Variants in LIPI observed in about 807,000 individuals in gnomAD.
The protein encoded by LIPI is lipase member I.
A neutral mutation model predicts 50.6 loss-of-function variants in LIPI; 59 were observed. The ratio of observed to expected loss-of-function variants is 1.16; its 90% confidence interval spans 0.94 to 1.45. The LOEUF is 1.45. LIPI is among the 40% of genes most tolerant of loss of function. The probability of loss-of-function intolerance (pLI) is 0.00; values close to 1 mark genes in which losing one functional copy is unlikely to be tolerated. For synonymous variants in LIPI, 203 were observed against 178.2 expected (o/e 1.14, Z -1.11); for missense variants, 586 against 536.3 (o/e 1.09, Z -0.92).
chr21:14,183,094 C>T (rs1157645836), intron 3 of LIPI, among the ~76,000 whole-genome samples: 3 of 143,710 alleles, frequency 2.1e-5, no homozygotes, highest in Non-Finnish European at 3.1e-5. Flanking sequence ...GCTACAGTAA[C>T]CAAAACAGCA....
intron 9 of LIPI, among the ~76,000 whole-genome samples, chr21:14,137,684 A>G (rs887749126): frequency 3.9e-5 from 6 of 152,190 alleles, no homozygotes; most frequent in Non-Finnish European, 8.8e-5. Context: ...AAGGGATAAT[A>G]ACTGATCCAA....
chr21:14,163,624 T>A (rs2018573000), intron 6 of LIPI, 101 bp from the exon 7 acceptor site: 1 of 703,066 alleles, frequency 1.4e-6, no homozygotes, highest in Non-Finnish European at 2.6e-6. Flanking sequence ...ATAATCATCA[T>A]AATGATCATC....
At chr21:14,146,118 A>T (rs1046417023) in intron 8 of LIPI, among the ~76,000 whole-genome samples, 11 of 152,106 alleles carry the variant, frequency 7.2e-5, no homozygotes, top group Non-Finnish European at 1.6e-4. Flanking sequence ...AATTACCAAC[A>T]GTTTGCTCAT....
intron 9 of LIPI, among the ~76,000 whole-genome samples, chr21:14,120,787 G>GC (rs1341119301): frequency 6.6e-6 from 1 of 151,704 alleles, no homozygotes; most frequent in African/African-American, 2.4e-5. Flanking sequence ...AGAAGCCATT[G>GC]CCCCCCAATT....
chr21:14,121,305 C>T (rs968389924), intron 9 of LIPI, among the ~76,000 whole-genome samples: 3 of 152,252 alleles, frequency 2.0e-5, no homozygotes, highest in East Asian at 1.9e-4. Context: ...GAACAAGACA[C>T]CGAAACAACT....
chr21:14,161,934 TTATAGATA>T (rs1474959172), intron 7 of LIPI, among the ~76,000 whole-genome samples: 3 of 139,764 alleles, frequency 2.1e-5, no homozygotes, highest in Admixed American at 7.7e-5. Context: ...ATTTCTCTAT[TTATAGATA>T]TATAGATATA....
chr21:14,132,355 C>T (rs1184312585), intron 9 of LIPI, among the ~76,000 whole-genome samples: 2 of 152,100 alleles, frequency 1.3e-5, no homozygotes, highest in Non-Finnish European at 2.9e-5. Context: ...ATCAGAATAA[C>T]AACAGACTTT....
At chr21:14,163,382 A>C (rs746010820) in intron 7 of LIPI, 37 bp downstream of exon 7, 9 of 1,038,740 alleles carry the variant, frequency 8.7e-6, no homozygotes, top group Non-Finnish European at 3.0e-6. Context: ...AAAAAAACTA[A>C]AAATTTGTTT....
intron 1 of LIPI, among the ~76,000 whole-genome samples, chr21:14,205,983 G>T (rs144578137): frequency 6.6e-6 from 1 of 152,192 alleles, no homozygotes; most frequent in Non-Finnish European, 1.5e-5. Flanking sequence ...AATCTCAACA[G>T]AGAGGTAAGC....
At chr21:14,189,831 T>C (rs1037835232) in intron 1 of LIPI, among the ~76,000 whole-genome samples, 1 of 151,988 alleles carries the variant, frequency 6.6e-6, no homozygotes, top group Admixed American at 6.6e-5. Context: ...TGTCTAGTCA[T>C]CAATACAAAA....
chr21:14,165,234 C>T lies in LIPI; in HGVS notation c.890G>A (p.Cys297Tyr), dbSNP rs764081969. ...ATAATCTCTCTTACCCAGCCGAGGA[C>T]ATGATTTTTCCTTAAAACAGTCACA... ...VDCDCFKEKS[C>Y]PRLGYQAKLF... The change falls in exon 6 of 10, where the codon TGT becomes TAT. Residue 297 changes from cysteine (C) to tyrosine (Y), a missense_variant. Cys to Tyr is a radical substitution (Grantham distance 194). Coordinates refer to ENST00000681601, the MANE Select transcript of LIPI (RefSeq NM_001302998.2). 3.7e-6 allele frequency: 6 copies of T among 1,608,372 alleles called. No individual in the cohort carries two copies. Among genetic ancestry groups the T allele is most frequent in the Admixed American group, 3.3e-5 (2 of 59,964 alleles).
intron 9 of LIPI, 106 bp from the exon 10 acceptor site, chr21:14,109,186 C>A: frequency 1.2e-6 from 1 of 852,470 alleles, no homozygotes; most frequent in Non-Finnish European, 2.0e-6. Flanking sequence ...CTGTAACTAG[C>A]TAGTTCTCTA....
At chr21:14,209,310 G>T (rs538042141) in intron 1 of LIPI, among the ~76,000 whole-genome samples, 2 of 152,162 alleles carry the variant, frequency 1.3e-5, no homozygotes, top group African/African-American at 4.8e-5. Flanking sequence ...CTTTATTAAA[G>T]GCAGATTTAA....
intron 7 of LIPI, among the ~76,000 whole-genome samples, chr21:14,158,749 T>A (rs2018361064): frequency 6.6e-6 from 1 of 150,760 alleles, no homozygotes; most frequent in Non-Finnish European, 1.5e-5. Context: ...AACCATTTTG[T>A]CTAGCAAGAC....
chr21:14,147,667 T>C lies in LIPI; in HGVS notation c.1119-2868A>G, dbSNP rs377385355. Among the ~76,000 whole-genome samples, 186 of 152,314 alleles carry C rather than the reference T, an allele frequency of 1.2e-3. 3 individuals carry two copies. Among genetic ancestry groups the C allele is most frequent in the African/African-American group, 4.3e-3 (179 of 41,578 alleles). ...AATAATTTGTAATGAATGGATTAAATTGGATTCTCTCCATGTATCTTTTAG... is the reference window on the plus strand; with the variant it reads ...AATAATTTGTAATGAATGGATTAAACTGGATTCTCTCCATGTATCTTTTAG... On this transcript the variant is annotated intron_variant, in intron 8 of 9. Transcript: ENST00000681601.
chr21:14,165,655 G>C (rs1156627993), intron 5 of LIPI, among the ~76,000 whole-genome samples: 1 of 152,138 alleles, frequency 6.6e-6, no homozygotes, highest in East Asian at 1.9e-4. Context: ...TGTTTCACAA[G>C]CTCTACACAG....
At chr21:14,143,299 C>T (rs1272359254) in intron 9 of LIPI, among the ~76,000 whole-genome samples, 1 of 152,084 alleles carries the variant, frequency 6.6e-6, no homozygotes, top group Non-Finnish European at 1.5e-5. Context: ...CGAAAATGTT[C>T]AGATATTTTG....
rs1454347672 is a variant in LIPI, at chr21:14,172,161, A to G, written c.644-5710T>C. Among the ~76,000 whole-genome samples the G allele has an allele frequency of 4.6e-5, 7 of 151,868 alleles. No individual in the cohort carries two copies. The East Asian group carries it at 1.4e-3, about 29-fold the overall frequency. ...TCAGAGAAATGCAAATCAAAACCACAATGAGATACCATCTCACACCAGTTA... is the reference window on the plus strand; with the variant it reads ...TCAGAGAAATGCAAATCAAAACCACGATGAGATACCATCTCACACCAGTTA... On this transcript the variant is annotated intron_variant, in intron 4 of 9. Coordinates refer to ENST00000681601, the MANE Select transcript of LIPI (RefSeq NM_001302998.2).
chr21:14,135,712 C>T lies in LIPI; in HGVS notation c.1295+8911G>A, dbSNP rs2017472017. 2.0e-5 allele frequency among the ~76,000 whole-genome samples: 3 copies of T among 152,256 alleles called. No homozygotes were observed. In the South Asian group the frequency reaches 6.2e-4, roughly 32 times the overall value. On this transcript the variant is annotated intron_variant, in intron 9 of 9. Coordinates refer to ENST00000681601, the MANE Select transcript of LIPI (RefSeq NM_001302998.2). The stretch of plus-strand genomic sequence containing the variant: ...AAAGTACTCTTTGCCTCTAAGTAAG[C>T]TTGAAAGGCAGTCTAGGCCTTCAGG...
Sources: gnomAD v4.1 joint callset for allele counts (sites outside exome capture counted in the v4.1 genomes callset) on GRCh38, gnomAD v4.1.1 for gene constraint, MANE v1.5 for transcripts, NCBI Gene and HGNC (gene_info 2026-07-23, HGNC 2026-07-21) for gene names.